ADNP: variants seen among roughly 807,000 people sequenced by gnomAD.
ADNP encodes the protein activity-dependent neuroprotector homeobox protein.
In ADNP, 4 loss-of-function variants were observed where a neutral mutation model predicts 84.9. The ratio of observed to expected loss-of-function variants is 0.05; its 90% confidence interval spans 0.02 to 0.11. The LOEUF is 0.11. ADNP is among the 10% of genes least tolerant of loss of function. ADNP has a pLI of 1.00. For synonymous variants in ADNP, 554 were observed against 468.1 expected (o/e 1.18, Z -2.37); for missense variants, 1,132 against 1,326.0 (o/e 0.85, Z 2.27).
rs2122848231 is a variant in ADNP at position 50,904,859 on chromosome 20, A to G, written c.-89-10T>C. 6.6e-6 allele frequency: 1 copy of G among 151,074 alleles called. No individual in the cohort carries two copies. Among genetic ancestry groups the G allele is most frequent in the South Asian group, 2.1e-4 (1 of 4,796 alleles). The allele number at this position is 151,074 out of a possible 1,614,324, so 9.4% of individuals were successfully genotyped here. A position where few individuals can be genotyped will look rare whatever the true frequency, so the allele number is the denominator to read the frequency against. ...CTACTGCTACGGTATTCTTTAAAAC[A>G]AAAACAAAAACAAAAACAAAAACAA... is the stretch of plus-strand genomic sequence containing the variant. On this transcript the variant is annotated splice_polypyrimidine_tract_variant and intron_variant, in intron 2 of 5. Transcript: ENST00000621696.
intron 2 of ADNP, among the ~76,000 whole-genome samples, chr20:50,926,191 ATAATT>A (rs1328235108): frequency 6.6e-6 from 1 of 152,250 alleles, no homozygotes; most frequent in Non-Finnish European, 1.5e-5. Flanking sequence ...GAATCCAACT[ATAATT>A]AAATTATTTA....
At chr20:50,916,292 C>T (rs1457234002) in intron 2 of ADNP, among the ~76,000 whole-genome samples, 9 of 152,208 alleles carry the variant, frequency 5.9e-5, no homozygotes, top group East Asian at 1.9e-4. Context: ...GCCTGATCAC[C>T]TCAAGTAAGA....
chr20:50,914,096 T>C lies in ADNP; in HGVS notation c.-89-9247A>G, dbSNP rs1983311423. Reference sequence around the variant, plus strand: ...AAAAACAGGCATGAGATTGCTCTCATGTTACTAGAAGGTGGGGCTAATCCA... The same window carrying C: ...AAAAACAGGCATGAGATTGCTCTCACGTTACTAGAAGGTGGGGCTAATCCA... On this transcript the variant is annotated intron_variant, in intron 2 of 5. Transcript: ENST00000621696. 13 of 743,898 alleles carry C rather than the reference T, an allele frequency of 1.7e-5. No individual in the cohort carries two copies. In the South Asian group the frequency reaches 1.9e-4, roughly 11 times the overall value. 46.1% of individuals were successfully genotyped at this position (743,898 alleles called of 1,614,324 possible).
intron 5 of ADNP, among the ~76,000 whole-genome samples, chr20:50,896,782 T>TAC (rs1462197960): frequency 9.2e-5 from 14 of 152,144 alleles, no homozygotes; most frequent in Middle Eastern, 3.4e-3. Flanking sequence ...GGACCTGCCT[T>TAC]AGGCTTTTCT....
At chr20:50,911,671 C>T (rs757072469) in intron 2 of ADNP, among the ~76,000 whole-genome samples, 10 of 151,940 alleles carry the variant, frequency 6.6e-5, no homozygotes, top group Non-Finnish European at 1.2e-4. Context: ...TTCTGCAGAG[C>T]TACCACATCA....
rs747443821 is a variant in ADNP, at chr20:50,891,748, C to T, written c.2966G>A (p.Cys989Tyr). The change falls in exon 6 of 6, where the codon TGC (cysteine) becomes TAC (tyrosine). Residue 989 changes from cysteine (C) to tyrosine (Y), a missense_variant. By Grantham distance (194) the Cys-to-Tyr change is radical. Coordinates refer to ENST00000621696, the MANE Select transcript of ADNP (RefSeq NM_001282531.3). ...QQVSDFEDNT[C>Y]EMKPGTWSDE... The stretch of plus-strand genomic sequence containing the variant: ...AGACCAGGTTCCTGGTTTCATTTCG[C>T]AGGTATTGTCCTCAAAGTCTGACAC... 6.2e-7 allele frequency: 1 copy of T among 1,614,200 alleles called. No homozygotes were observed. The highest frequency in any genetic ancestry group is 1.1e-5 in the South Asian group (1 of 91,088).
At chr20:50,909,530 T>C (rs894156406) in intron 2 of ADNP, 2 of 152,192 alleles carry the variant, frequency 1.3e-5, no homozygotes, top group African/African-American at 2.4e-5. Flanking sequence ...AGACAATCAT[T>C]TTCAGAGCAC....
chr20:50,915,546 T>A lies in ADNP; in HGVS notation c.-89-10697A>T, dbSNP rs115961811. 6.7e-3 allele frequency among the ~76,000 whole-genome samples: 1,021 copies of A among 152,320 alleles called. 6 individuals carry two copies. The highest frequency in any genetic ancestry group is 0.019 in the African/African-American group (793 of 41,570). ...GAGGTAGCTGATTTCCATTCTCCTA[T>A]AAGCTTGGGCAAAAGAGCTTCCAGA... On this transcript the variant is annotated intron_variant, in intron 2 of 5. Transcript: ENST00000621696.
Position 50,890,840 on chromosome 20 carries a change from T to C in ADNP, c.*565A>G, listed in dbSNP as rs1980618318. ...TTGAGCTTTTGCTAGGTAAACTAGA[T>C]AGAGCGTTTATTACACAGCAAGGGC... On this transcript the variant is annotated 3_prime_UTR_variant, in exon 6 of 6. Coordinates refer to ENST00000621696, the MANE Select transcript of ADNP (RefSeq NM_001282531.3). 2.3e-6 allele frequency: 2 copies of C among 861,354 alleles called. No individual in the cohort carries two copies. The highest frequency in any genetic ancestry group is 2.8e-6 in the Non-Finnish European group (2 of 716,804). 53.4% of individuals were successfully genotyped at this position (861,354 alleles called of 1,614,324 possible). A position where few individuals can be genotyped will look rare whatever the true frequency, so the allele number is the denominator to read the frequency against.
rs1436587449 is a variant in ADNP, at chr20:50,893,289, T to A, written c.1425A>T (p.Pro475=). The change falls in exon 6 of 6, where the codon CCA becomes CCT. Residue 475 remains proline, a synonymous_variant. Transcript: ENST00000621696. This position sits in a 1 kb window ranked among gnomAD's most constrained non-coding sequence, Gnocchi z 4.4. ...FEKEHKAEKV[P]AVANYIMKIH... is the part of the protein sequence containing the mutation. ...TTTTCATAATGTAGTTGGCTACTGC[T>A]GGGACTTTCTCAGCTTTATGTTCTT... The A allele has an allele frequency of 6.2e-7, 1 of 1,614,258 alleles. No homozygotes were observed. The highest frequency in any genetic ancestry group is 1.1e-5 in the South Asian group (1 of 91,080).
intron 2 of ADNP, among the ~76,000 whole-genome samples, chr20:50,923,609 C>A (rs917251056): frequency 1.3e-5 from 2 of 152,126 alleles, no homozygotes; most frequent in Non-Finnish European, 2.9e-5. Context: ...CCTCCGCCTC[C>A]CAGGTTCAAG....
At chr20:50,914,094 C>G in intron 2 of ADNP, 1 of 742,178 alleles carries the variant, frequency 1.3e-6, no homozygotes, top group Non-Finnish European at 2.5e-6. Context: ...AGATTGCTCT[C>G]ATGTTACTAG....
chr20:50,894,024 T>C lies in ADNP; in HGVS notation c.690A>G (p.Pro230=). 2 of 1,614,232 alleles carry C rather than the reference T, an allele frequency of 1.2e-6. No homozygotes were observed. The highest frequency in any genetic ancestry group is 1.7e-6 in the Non-Finnish European group (2 of 1,180,040). ...SIHCKRCLFM[P]KSYEALVQHV... ...GCTGTACCAAAGCTTCATAGGACTTTGGCATGAAAAGGCATCGCTTGCAGT... is the reference window on the plus strand; with the variant it reads ...GCTGTACCAAAGCTTCATAGGACTTCGGCATGAAAAGGCATCGCTTGCAGT... The change falls in exon 6 of 6, where the codon CCA becomes CCG. Residue 230 remains proline (P), a synonymous_variant. Coordinates refer to ENST00000621696, the MANE Select transcript of ADNP (RefSeq NM_001282531.3).
At chr20:50,920,531 C>G (rs1046805297) in intron 2 of ADNP, among the ~76,000 whole-genome samples, 2 of 150,256 alleles carry the variant, frequency 1.3e-5, no homozygotes, top group African/African-American at 4.9e-5. Flanking sequence ...GATCGCGCCA[C>G]TGCACTCCAG....
At chr20:50,920,075 G>A (rs942327344) in intron 2 of ADNP, among the ~76,000 whole-genome samples, 2 of 150,248 alleles carry the variant, frequency 1.3e-5, no homozygotes, top group Non-Finnish European at 3.0e-5. Context: ...TCAGGAGCTC[G>A]AGACCAGCCT....
chr20:50,928,873 TAAG>T (rs1442830709), intron 1 of ADNP, 48 bp from the exon 2 acceptor site: 2 of 152,184 alleles, frequency 1.3e-5, no homozygotes, highest in East Asian at 3.8e-4. Context: ...CAACACACCC[TAAG>T]AAGGTGGGTG....
intron 2 of ADNP, among the ~76,000 whole-genome samples, chr20:50,907,482 G>A (rs938548522): frequency 6.6e-6 from 1 of 151,418 alleles, no homozygotes; most frequent in Non-Finnish European, 1.5e-5. Flanking sequence ...GGCCAGGCTG[G>A]TCTCAAACTC....
In ADNP at chr20:50,891,944, C is replaced by CA; in HGVS notation, c.2769dup (p.Glu924Ter). ...TCCTCTTTTTGGTCTAGCTTCTCCT[C>CA]AGATTCTGAAGCATCCTCAGGAATT... On this transcript the variant is annotated frameshift_variant, in exon 6 of 6. Coordinates refer to ENST00000621696, the MANE Select transcript of ADNP (RefSeq NM_001282531.3). LOFTEE classifies it high-confidence loss of function. 1 of 1,614,196 alleles carries CA rather than the reference C, an allele frequency of 6.2e-7. No individual in the cohort carries two copies. Among genetic ancestry groups the CA allele is most frequent in the Non-Finnish European group, 8.5e-7 (1 of 1,180,042 alleles).
At position 50,918,586 on chromosome 20, in the gene ADNP, T is replaced by C. The variant is rs527652309; in HGVS notation, c.-90+10065A>G. Among the ~76,000 whole-genome samples the C allele has an allele frequency of 2.0e-5, 3 of 152,322 alleles. No homozygotes were observed. In the South Asian group the frequency reaches 6.2e-4, roughly 32 times the overall value. On this transcript the variant is annotated intron_variant, in intron 2 of 5. Coordinates refer to ENST00000621696, the MANE Select transcript of ADNP (RefSeq NM_001282531.3). ...CAGGATATTATATTACTTTTGGCAA[T>C]GAAGGCCCTGATTCACTCTGCCTTA... is the stretch of plus-strand genomic sequence containing the variant.
Sources: allele counts gnomAD v4.1 joint callset (sites outside exome capture counted in the v4.1 genomes callset), GRCh38; gene constraint gnomAD v4.1.1; non-coding constraint Gnocchi (gnomAD v3.1); transcripts MANE v1.5; gene names NCBI Gene and HGNC (gene_info 2026-07-23, HGNC 2026-07-21).